The following TSGA10 variants were observed in gnomAD, a reference collection of about 807,000 sequenced individuals.
TSGA10 encodes the protein testis specific 10, also known as testis-specific gene 10 protein.
TSGA10 carries 43 observed loss-of-function variants against 96.6 expected under a neutral mutation model. That is an observed-to-expected ratio of 0.44 (90% CI 0.35 to 0.57). TSGA10 has a LOEUF of 0.57. Among genes scored for constraint, TSGA10 ranks in the 20% least tolerant of loss-of-function variants. TSGA10 has a pLI of 0.01. For missense variants in TSGA10, 703 were observed against 834.4 expected (o/e 0.84, Z 1.94); for synonymous variants, 229 against 269.9 (o/e 0.85, Z 1.48).
At chr2:99,095,990 G>C (rs2089993290) in intron 10 of TSGA10, among the ~76,000 whole-genome samples, 1 of 152,148 alleles carries the variant, frequency 6.6e-6, no homozygotes, top group Non-Finnish European at 1.5e-5. Flanking sequence ...AACTTTGACA[G>C]CCATGCAGGA....
chr2:99,031,329 C>G (rs1002200921), intron 17 of TSGA10, among the ~76,000 whole-genome samples: 1 of 144,178 alleles, frequency 6.9e-6, no homozygotes, highest in African/African-American at 2.5e-5. Flanking sequence ...CTATGTCAAC[C>G]TCACACTTTA....
chr2:99,106,863 G>A (rs1475280988), intron 7 of TSGA10, among the ~76,000 whole-genome samples: 1 of 152,006 alleles, frequency 6.6e-6, no homozygotes, highest in African/African-American at 2.4e-5. Context: ...TAACGTTTCT[G>A]CTCCTCTATG....
rs574111358 is a variant in TSGA10 at position 99,145,113 on chromosome 2, A to C, written c.-621+9580T>G. ...ACATTCCTTCTGGAGGCTCTAGGGGAAAATCCCCTTTCTTGCCTTTCCAGC... is the reference window on the plus strand; with the variant it reads ...ACATTCCTTCTGGAGGCTCTAGGGGCAAATCCCCTTTCTTGCCTTTCCAGC... On this transcript the variant is annotated intron_variant, in intron 1 of 20. Coordinates refer to ENST00000393483, the MANE Select transcript of TSGA10 (RefSeq NM_025244.4). Among the ~76,000 whole-genome samples the C allele has an allele frequency of 4.6e-5, 7 of 152,280 alleles. No individual in the cohort carries two copies. The South Asian group carries it at 1.0e-3, about 23-fold the overall frequency.
intron 20 of TSGA10, among the ~76,000 whole-genome samples, chr2:98,999,201 T>C (rs1015835286): frequency 6.6e-6 from 1 of 152,112 alleles, no homozygotes; most frequent in Non-Finnish European, 1.5e-5. Flanking sequence ...TGGCCAAGAC[T>C]ATAATCATTA....
intron 16 of TSGA10, among the ~76,000 whole-genome samples, chr2:99,060,148 T>C (rs974098603): frequency 6.6e-6 from 1 of 152,092 alleles, no homozygotes; most frequent in African/African-American, 2.4e-5. Context: ...ATTGCATACG[T>C]AGAAAATCCT....
intron 15 of TSGA10, among the ~76,000 whole-genome samples, chr2:99,067,230 G>C (rs1046935185): frequency 1.3e-5 from 2 of 152,128 alleles, no homozygotes; most frequent in African/African-American, 4.8e-5. Flanking sequence ...CACGCTGCAT[G>C]AATGAGTGAA....
intron 16 of TSGA10, among the ~76,000 whole-genome samples, chr2:99,057,913 A>G (rs1264728957): frequency 6.6e-6 from 1 of 152,218 alleles, no homozygotes; most frequent in Non-Finnish European, 1.5e-5. Flanking sequence ...AGATCAATGA[A>G]ATAGAATTAA....
At chr2:99,147,956 T>C (rs1352482663) in intron 1 of TSGA10, among the ~76,000 whole-genome samples, 1 of 152,188 alleles carries the variant, frequency 6.6e-6, no homozygotes, top group Admixed American at 6.5e-5. Context: ...TGATCCAATA[T>C]TATTATCTAA....
intron 16 of TSGA10, among the ~76,000 whole-genome samples, chr2:99,055,985 C>T (rs887471846): frequency 5.9e-5 from 9 of 151,826 alleles, no homozygotes; most frequent in Admixed American, 4.6e-4. Context: ...GGGTGAATCA[C>T]GAGGTCAGGA....
At chr2:99,000,345 GA>G (rs146211344) in intron 20 of TSGA10, among the ~76,000 whole-genome samples, 63,227 of 142,504 alleles carry the variant, frequency 0.44, 15,983 homozygotes, top group African/African-American at 0.72. Flanking sequence ...CGTCTCTACT[GA>G]AAAAAAAAAA....
intron 17 of TSGA10, among the ~76,000 whole-genome samples, chr2:99,025,438 T>C (rs910920229): frequency 6.6e-6 from 1 of 152,212 alleles, no homozygotes; most frequent in Non-Finnish European, 1.5e-5. Context: ...TCCCCTATGA[T>C]ACTTTTTTTA....
chr2:99,049,314 A>G (rs1460396711), intron 16 of TSGA10, among the ~76,000 whole-genome samples: 1 of 152,222 alleles, frequency 6.6e-6, no homozygotes, highest in Non-Finnish European at 1.5e-5. Flanking sequence ...ACAATAGCAA[A>G]GACTTGGAAC....
intron 16 of TSGA10, among the ~76,000 whole-genome samples, chr2:99,063,172 T>A (rs2084887453): frequency 1.3e-5 from 2 of 152,200 alleles, no homozygotes; most frequent in African/African-American, 4.8e-5. Flanking sequence ...AAATAAAAAT[T>A]ATATGTCTAC....
At chr2:99,101,738 A>G (rs556966446) in intron 10 of TSGA10, among the ~76,000 whole-genome samples, 1 of 152,372 alleles carries the variant, frequency 6.6e-6, no homozygotes, top group South Asian at 2.1e-4. Context: ...AAATTCTGTC[A>G]TATGCTACAA....
chr2:99,063,656 A>C (rs1437131341), intron 16 of TSGA10, among the ~76,000 whole-genome samples: 2 of 151,808 alleles, frequency 1.3e-5, no homozygotes, highest in Non-Finnish European at 1.5e-5. Context: ...CAAAAAAAAA[A>C]CTAGTTGGCC....
In TSGA10 at chr2:99,018,296, T is replaced by C. The variant is rs73965254; in HGVS notation, c.1976A>G (p.His659Arg). 2.0e-4 allele frequency: 320 copies of C among 1,614,222 alleles called. 2 individuals carry two copies. In the African/African-American group the frequency reaches 3.9e-3, roughly 19 times the overall value. ...RRQNYSSNAYHMSSTMKPNTK... is the reference protein window; with the variant it reads ...RRQNYSSNAYRMSSTMKPNTK... ...ATTTGGCTTCATTGTAGAACTCATATGATAAGCATTACTTGAATAATTTTG... is the reference window on the plus strand; with the variant it reads ...ATTTGGCTTCATTGTAGAACTCATACGATAAGCATTACTTGAATAATTTTG... Residue 659 changes from histidine to arginine, a missense_variant, in exon 20 of 21, where the codon CAT (histidine) becomes CGT (arginine). Transcript: ENST00000393483.
chr2:99,126,055 T>C (rs1031062333), intron 2 of TSGA10: 1 of 152,312 alleles, frequency 6.6e-6, no homozygotes, highest in Non-Finnish European at 1.5e-5. Context: ...AGGATAAAAG[T>C]CCTAGTTTCC....
intron 4 of TSGA10, among the ~76,000 whole-genome samples, chr2:99,111,342 TG>T (rs1487959161): frequency 6.6e-6 from 1 of 152,164 alleles, no homozygotes; most frequent in Non-Finnish European, 1.5e-5. Flanking sequence ...AAATACTTTT[TG>T]TATCAATTTA....
At chr2:99,017,690 G>A (rs916611188) in intron 20 of TSGA10, among the ~76,000 whole-genome samples, 7 of 151,046 alleles carry the variant, frequency 4.6e-5, no homozygotes, top group Admixed American at 1.3e-4. Context: ...GCGTGAACCC[G>A]GGAGGCGGAG....
Sources: gnomAD v4.1 joint callset for allele counts (sites outside exome capture counted in the v4.1 genomes callset) on GRCh38, gnomAD v4.1.1 for gene constraint, MANE v1.5 for transcripts, NCBI Gene and HGNC (gene_info 2026-07-23, HGNC 2026-07-21) for gene names.